The following KCTD9 variants were observed in gnomAD, a reference collection of about 807,000 sequenced individuals.
The protein encoded by KCTD9 is BTB/POZ domain-containing protein KCTD9.
A neutral mutation model predicts 53.3 loss-of-function variants in KCTD9; 17 were observed. The ratio of observed to expected loss-of-function variants is 0.32; its 90% confidence interval spans 0.22 to 0.48. KCTD9 has a LOEUF of 0.48. KCTD9 is among the 20% of genes least tolerant of loss of function. KCTD9 has a pLI of 0.99. For missense variants in KCTD9, 179 were observed against 465.5 expected (o/e 0.38, Z 5.66); for synonymous variants, 128 against 162.7 (o/e 0.79, Z 1.62).
chr8:25,449,803 TG>T (rs1802284213), intron 1 of KCTD9, among the ~76,000 whole-genome samples: 2 of 151,340 alleles, frequency 1.3e-5, no homozygotes, highest in African/African-American at 4.9e-5. Flanking sequence ...TATTAGACAG[TG>T]CCATTTTAAA....
chr8:25,453,332 G>A (rs1474200676), intron 1 of KCTD9, among the ~76,000 whole-genome samples: 1 of 151,424 alleles, frequency 6.6e-6, no homozygotes, highest in Non-Finnish European at 1.5e-5. Flanking sequence ...ACTCTAGCCT[G>A]GGTGACAGTG....
At chr8:25,430,871 CTT>C (rs1801915968) in intron 11 of KCTD9, among the ~76,000 whole-genome samples, 1 of 151,432 alleles carries the variant, frequency 6.6e-6, no homozygotes, top group African/African-American at 2.4e-5. Context: ...GAGTTTTGCT[CTT>C]GTTGCCCAGG....
intron 4 of KCTD9, 110 bp from the exon 5 acceptor site, chr8:25,439,774 CA>C (rs1425286614): frequency 4.5e-6 from 7 of 1,567,272 alleles, no homozygotes; most frequent in Non-Finnish European, 6.1e-6. Context: ...ATGCATGCTA[CA>C]ACCTGGTAGG....
At position 25,458,425 on chromosome 8, in the gene KCTD9, C is replaced by T. The variant is rs1802524919; in HGVS notation, c.-179G>A. ...ACTCTGTCCCACACCCAAGGTTCGG[C>T]CGGTCCTCCTTCCCACCCCGCCCCT... On this transcript the variant is annotated 5_prime_UTR_variant, in exon 1 of 12. Transcript: ENST00000221200. 7.1e-6 allele frequency: 5 copies of T among 701,764 alleles called. No homozygotes were observed. The highest frequency in any genetic ancestry group is 7.1e-5 in the African/African-American group (4 of 56,260). 43.5% of individuals were successfully genotyped at this position (701,764 alleles called of 1,614,324 possible).
chr8:25,439,467 A>G, intron 5 of KCTD9, 60 bp from the exon 6 acceptor site: 1 of 1,571,960 alleles, frequency 6.4e-7, no homozygotes. Flanking sequence ...TCAGAAATGT[A>G]TGAGGAAAAA....
chr8:25,440,419 T>A (rs907161120), intron 4 of KCTD9, 158 bp downstream of exon 4: 21 of 590,820 alleles, frequency 3.6e-5, no homozygotes, highest in East Asian at 3.1e-4. Context: ...TGAACCATGT[T>A]TTTTTCTTCA....
intron 1 of KCTD9, among the ~76,000 whole-genome samples, chr8:25,452,357 A>G (rs759922910): frequency 1.3e-5 from 2 of 152,226 alleles, no homozygotes; most frequent in Non-Finnish European, 2.9e-5. Context: ...AATTACTGCA[A>G]TGACTTTGAA....
At position 25,438,399 on chromosome 8, in the gene KCTD9, C is replaced by T. The variant is rs189928444; in HGVS notation, c.499+880G>A. Among the ~76,000 whole-genome samples the T allele has an allele frequency of 2.3e-3, 343 of 150,986 alleles. 1 individual carries two copies. Among genetic ancestry groups the T allele is most frequent in the Non-Finnish European group, 3.8e-3 (261 of 67,834 alleles). ...TTAATGGGTGTTTTGTATTTCACTA[C>T]AGAAACTGTAAGCCAGCAGTCCTCA... On this transcript the variant is annotated intron_variant, in intron 6 of 11. Coordinates refer to ENST00000221200, the MANE Select transcript of KCTD9 (RefSeq NM_017634.4).
intron 4 of KCTD9, among the ~76,000 whole-genome samples, chr8:25,440,264 T>G (rs1802095499): frequency 6.6e-6 from 1 of 151,714 alleles, no homozygotes; most frequent in Non-Finnish European, 1.5e-5. Context: ...TTCACCATTT[T>G]AGCCGGGATG....
intron 6 of KCTD9, among the ~76,000 whole-genome samples, chr8:25,437,847 C>CAAAAAAAAAA (rs59540797): frequency 1.6e-5 from 1 of 62,540 alleles, no homozygotes; most frequent in African/African-American, 7.1e-5. Context: ...GACCCTGTCT[C>CAAAAAAAAAA]AAAAAAAAAA....
rs1801950450 is a variant in KCTD9 at position 25,432,637 on chromosome 8, C to A, written c.920G>T (p.Gly307Val). 1 of 1,610,810 alleles carries A rather than the reference C, an allele frequency of 6.2e-7. No individual in the cohort carries two copies. The highest frequency in any genetic ancestry group is 1.7e-5 in the Admixed American group (1 of 59,528). ...CATATCCACACCTTTCAGATTAGCA[C>A]CTACAGTGAACACATTCTGGGAGTA... is the stretch of plus-strand genomic sequence containing the variant. ...DPSGLKANLEGANLKGVDMEG... is the reference protein window; with the variant it reads ...DPSGLKANLEVANLKGVDMEG... Residue 307 changes from glycine to valine, a missense_variant and splice_region_variant, in exon 11 of 12, where the codon GGT becomes GTT. Gly to Val is a moderately radical substitution (Grantham distance 109). This residue lies in a region of KCTD9 where 30 missense variants were observed against 133.2 expected (regional missense o/e 0.23). Coordinates refer to ENST00000221200, the MANE Select transcript of KCTD9 (RefSeq NM_017634.4).
chr8:25,452,257 A>C (rs963919713), intron 1 of KCTD9, among the ~76,000 whole-genome samples: 1 of 152,228 alleles, frequency 6.6e-6, no homozygotes, highest in Admixed American at 6.5e-5. Context: ...TGAAAAAAGA[A>C]AATTTTAAAA....
chr8:25,452,474 C>T (rs1802346264), intron 1 of KCTD9, among the ~76,000 whole-genome samples: 1 of 152,136 alleles, frequency 6.6e-6, no homozygotes. Context: ...AATGTGTGAT[C>T]CTGTCACCTG....
Position 25,444,312 on chromosome 8 carries a change from C to T in KCTD9, c.194G>A (p.Cys65Tyr). 1.9e-6 allele frequency: 3 copies of T among 1,603,222 alleles called. No homozygotes were observed. Among genetic ancestry groups the T allele is most frequent in the Non-Finnish European group, 1.7e-6 (2 of 1,176,900 alleles). The change falls in exon 3 of 12, where the codon TGT becomes TAT. Residue 65 changes from cysteine (C) to tyrosine (Y), a missense_variant. Physicochemically the swap from Cys to Tyr is radical, Grantham distance 194. This residue lies in a region of KCTD9 where 115 missense variants were observed against 250.9 expected (regional missense o/e 0.46). Transcript: ENST00000221200. ...CTTACCAATAAATGGCTCTCCTTCACAAACAAACAAAACATCATCATCCCT... is the reference window on the plus strand; with the variant it reads ...CTTACCAATAAATGGCTCTCCTTCATAAACAAACAAAACATCATCATCCCT... ...LIRDDDVLFV[C>Y]EGEPFIDPQT...
At chr8:25,456,765 A>G (rs1802442976) in intron 1 of KCTD9, among the ~76,000 whole-genome samples, 1 of 152,316 alleles carries the variant, frequency 6.6e-6, no homozygotes, top group East Asian at 1.9e-4. Flanking sequence ...AACCAAATTG[A>G]GTGGATTTGG....
chr8:25,441,926 C>A (rs566949344), intron 3 of KCTD9, among the ~76,000 whole-genome samples: 4 of 152,144 alleles, frequency 2.6e-5, no homozygotes, highest in African/African-American at 9.6e-5. Flanking sequence ...ATCACTTGAA[C>A]CCAGGAGGTT....
In KCTD9 at chr8:25,435,429, A is replaced by G. The variant is rs746667339; in HGVS notation, c.747T>C (p.Asn249=). 1.9e-6 allele frequency: 3 copies of G among 1,612,690 alleles called. No individual in the cohort carries two copies. Among genetic ancestry groups the G allele is most frequent in the South Asian group, 2.2e-5 (2 of 90,822 alleles). The change falls in exon 9 of 12, where the codon AAT becomes AAC. Residue 249 remains asparagine (N), a synonymous_variant. Transcript: ENST00000221200. ...CACAGCAAAGATTTGCATGTGCAAG[A>G]TTACAGCGGCTTAAATTGGCCATTT... ...NFKMANLSRC[N]LAHANLCCAN...
chr8:25,458,120 G>A (rs1187767378), intron 1 of KCTD9, 79 bp downstream of exon 1: 4 of 1,377,432 alleles, frequency 2.9e-6, no homozygotes, highest in Non-Finnish European at 4.0e-6. Flanking sequence ...CAACTTCACC[G>A]CTGCCCCGCC....
intron 11 of KCTD9, among the ~76,000 whole-genome samples, chr8:25,432,244 G>A (rs1374829353): frequency 6.6e-6 from 1 of 152,312 alleles, no homozygotes; most frequent in Non-Finnish European, 1.5e-5. Flanking sequence ...AGTTTAAGAA[G>A]TAATCTAGCC....
Sources: gnomAD v4.1 joint callset for allele counts (sites outside exome capture counted in the v4.1 genomes callset) on GRCh38, gnomAD v4.1.1 for gene constraint, gnomAD v4.1.1 regional missense constraint, MANE v1.5 for transcripts, NCBI Gene and HGNC (gene_info 2026-07-23, HGNC 2026-07-21) for gene names.